Variants in SECISBP2L observed in about 807,000 individuals in gnomAD.
The protein encoded by SECISBP2L is selenocysteine insertion sequence-binding protein 2-like.
SECISBP2L carries 43 observed loss-of-function variants against 114.7 expected under a neutral mutation model. That is an observed-to-expected ratio of 0.38 (90% CI 0.29 to 0.48). SECISBP2L has a LOEUF of 0.48. Ranked by LOEUF, SECISBP2L falls within the 20% of genes least tolerant of loss-of-function variation. The probability of loss-of-function intolerance (pLI) is 0.98; values close to 1 mark genes in which losing one functional copy is unlikely to be tolerated. For synonymous variants in SECISBP2L, 451 were observed against 439.7 expected (o/e 1.03, Z -0.32); for missense variants, 1,136 against 1,301.1 (o/e 0.87, Z 1.95).
rs1901989283 is a variant in SECISBP2L at position 48,992,128 on chromosome 15, T to C, written c.*116A>G. 8 of 940,850 alleles carry C rather than the reference T, an allele frequency of 8.5e-6. No individual in the cohort carries two copies. Among genetic ancestry groups the C allele is most frequent in the Non-Finnish European group, 1.2e-5 (8 of 640,794 alleles). 58.3% of individuals were successfully genotyped at this position (940,850 alleles called of 1,614,324 possible). On this transcript the variant is annotated 3_prime_UTR_variant, in exon 18 of 18. Coordinates refer to ENST00000559471, the MANE Select transcript of SECISBP2L (RefSeq NM_001193489.2). ...CAAGTAAAAGCTACAAAAATATTTG[T>C]TGGGAATTAAATACGTATATTAAAT...
intron 11 of SECISBP2L, among the ~76,000 whole-genome samples, chr15:49,015,576 T>C (rs1902520073): frequency 6.6e-6 from 1 of 152,178 alleles, no homozygotes; most frequent in African/African-American, 2.4e-5. Context: ...ATTGGTACCT[T>C]TCCTGTTCCT....
rs1337579160 is a variant in SECISBP2L, at chr15:49,028,492, T to C, written c.855A>G (p.Ala285=). 1.9e-6 allele frequency: 3 copies of C among 1,614,196 alleles called. No homozygotes were observed. The highest frequency in any genetic ancestry group is 1.3e-5 in the African/African-American group (1 of 75,054). Residue 285 remains alanine, a synonymous_variant, in exon 5 of 18, where the codon GCA becomes GCG. Coordinates refer to ENST00000559471, the MANE Select transcript of SECISBP2L (RefSeq NM_001193489.2). ...CSPKHSNNQP[A]AGALRNPDSG... ...AATCAGGATTTCTCAAAGCCCCTGCTGCAGGCTGGTTGTTGCTGTGTTTGG... is the reference window on the plus strand; with the variant it reads ...AATCAGGATTTCTCAAAGCCCCTGCCGCAGGCTGGTTGTTGCTGTGTTTGG...
At chr15:49,046,178 C>A in intron 1 of SECISBP2L, 98 bp downstream of exon 1, 1 of 1,408,760 alleles carries the variant, frequency 7.1e-7, no homozygotes, top group Non-Finnish European at 9.6e-7. Context: ...GGCCGCAGGA[C>A]CGGCCCCCGG....
chr15:48,997,347 G>A (rs1231076603), intron 16 of SECISBP2L, among the ~76,000 whole-genome samples: 5 of 152,224 alleles, frequency 3.3e-5, no homozygotes, highest in East Asian at 1.9e-4. Context: ...ATAACTAGAC[G>A]AAGACCAAAA....
At chr15:49,000,066 A>C in intron 15 of SECISBP2L, 79 bp from the exon 16 acceptor site, 1 of 1,473,786 alleles carries the variant, frequency 6.8e-7, no homozygotes, top group Non-Finnish European at 9.3e-7. Flanking sequence ...CTAAAGCATA[A>C]AACATCGCAG....
chr15:48,999,764 G>A (rs1276234796), intron 16 of SECISBP2L, 69 bp downstream of exon 16: 1 of 1,547,514 alleles, frequency 6.5e-7, no homozygotes, highest in Non-Finnish European at 8.8e-7. Context: ...ACTGGCATAT[G>A]TCAATCGAAA....
chr15:49,046,220 TGAG>T (rs1903246582), intron 1 of SECISBP2L, 53 bp downstream of exon 1: 1 of 1,557,508 alleles, frequency 6.4e-7, no homozygotes, highest in Admixed American at 1.9e-5. Context: ...GCCTGGCCTG[TGAG>T]GAAGCGGCGA....
intron 1 of SECISBP2L, among the ~76,000 whole-genome samples, chr15:49,043,942 T>C (rs1251464005): frequency 1.3e-5 from 2 of 151,620 alleles, no homozygotes; most frequent in Non-Finnish European, 2.9e-5. Context: ...AGAACATGAA[T>C]GCCTTCAGGC....
At chr15:49,032,848 G>T in intron 4 of SECISBP2L, 117 bp downstream of exon 4, 1 of 1,299,738 alleles carries the variant, frequency 7.7e-7, no homozygotes, top group South Asian at 1.5e-5. Context: ...AAAGTGGCAG[G>T]ACAAATGAAA....
intron 14 of SECISBP2L, among the ~76,000 whole-genome samples, chr15:49,008,365 A>G (rs1355183712): frequency 3.3e-5 from 5 of 152,228 alleles, no homozygotes; most frequent in Non-Finnish European, 7.4e-5. Flanking sequence ...AGTGTGCCAA[A>G]TTGAAGAATG....
At chr15:49,024,631 A>AT (rs753851452) in intron 7 of SECISBP2L, among the ~76,000 whole-genome samples, 12 of 152,202 alleles carry the variant, frequency 7.9e-5, no homozygotes, top group Non-Finnish European at 1.6e-4. Context: ...ATCTCAGATA[A>AT]AAATGCCCTG....
At chr15:48,996,672 T>G (rs766753991) in intron 16 of SECISBP2L, 86 bp from the exon 17 acceptor site, 2 of 1,203,004 alleles carry the variant, frequency 1.7e-6, no homozygotes, top group African/African-American at 4.3e-5. Flanking sequence ...CTACTGTTTG[T>G]TTCAGGGTCA....
intron 14 of SECISBP2L, among the ~76,000 whole-genome samples, chr15:49,003,636 T>C (rs1456341205): frequency 6.6e-6 from 1 of 152,064 alleles, no homozygotes; most frequent in Non-Finnish European, 1.5e-5. Context: ...TTATTGAGAG[T>C]TTTTAGCACG....
chr15:49,015,509 G>C (rs1402481100), intron 11 of SECISBP2L, among the ~76,000 whole-genome samples: 2 of 152,052 alleles, frequency 1.3e-5, no homozygotes, highest in Non-Finnish European at 2.9e-5. Context: ...CTTCACACAG[G>C]ATCAGAAGAA....
At chr15:49,004,533 T>A (rs1902277504) in intron 14 of SECISBP2L, among the ~76,000 whole-genome samples, 1 of 152,206 alleles carries the variant, frequency 6.6e-6, no homozygotes, top group African/African-American at 2.4e-5. Context: ...AGAGTGTTGA[T>A]TTTAGATCTT....
intron 13 of SECISBP2L, among the ~76,000 whole-genome samples, chr15:49,010,153 A>ACACACACACACACACACACACACACC: frequency 6.8e-6 from 1 of 147,474 alleles, no homozygotes; most frequent in African/African-American, 2.5e-5. Context: ...ACACACACAC[A>ACACACACACACACACACACACACACC]CCCCTCTTGC....
intron 4 of SECISBP2L, among the ~76,000 whole-genome samples, chr15:49,029,518 A>G (rs1902837126): frequency 6.6e-6 from 1 of 152,194 alleles, no homozygotes. Context: ...ATGCCTTTAC[A>G]TGAATATACC....
At chr15:49,015,232 G>A (rs1265969363) in intron 11 of SECISBP2L, among the ~76,000 whole-genome samples, 1 of 152,012 alleles carries the variant, frequency 6.6e-6, no homozygotes, top group East Asian at 1.9e-4. Context: ...AGCTACTAGG[G>A]CATACCGCCT....
Position 48,999,836 on chromosome 15 carries a change from A to G in SECISBP2L, c.2400T>C (p.Ala800=), listed in dbSNP as rs1328961664. Residue 800 remains alanine (A), a synonymous_variant, in exon 16 of 18, where the codon GCT becomes GCC. Coordinates refer to ENST00000559471, the MANE Select transcript of SECISBP2L (RefSeq NM_001193489.2). ...TGTGTGTCTTCTAAATTCTTACCTC[A>G]GCACCAAAGTAGTTGAAGATTCCCA... The part of the protein sequence containing the change: ...SVVGIFNYFG[A]ESLFNKLVEL... 3.7e-6 allele frequency: 6 copies of G among 1,613,604 alleles called. No individual in the cohort carries two copies. The highest frequency in any genetic ancestry group is 5.1e-6 in the Non-Finnish European group (6 of 1,179,602).
Sources: gnomAD v4.1 joint callset for allele counts (sites outside exome capture counted in the v4.1 genomes callset) on GRCh38, gnomAD v4.1.1 for gene constraint, MANE v1.5 for transcripts, NCBI Gene and HGNC (gene_info 2026-07-23, HGNC 2026-07-21) for gene names.